PIWIL3: variants seen among roughly 807,000 people sequenced by gnomAD.
The protein encoded by PIWIL3 is piwi like RNA-mediated gene silencing 3, also known as piwi-like protein 3.
PIWIL3 carries 101 observed loss-of-function variants against 109.7 expected under a neutral mutation model. The ratio of observed to expected loss-of-function variants is 0.92; its 90% CI spans 0.78 to 1.09. The LOEUF (loss-of-function observed/expected upper bound fraction) is 1.09, where lower values mean the gene tolerates loss of function less well. PIWIL3 is among the 50% of genes least tolerant of loss of function. The pLI is 0.00. For missense variants in PIWIL3, 1,031 were observed against 1,072.6 expected (o/e 0.96, Z 0.54); for synonymous variants, 373 against 376.4 (o/e 0.99, Z 0.10).
intron 8 of PIWIL3, among the ~76,000 whole-genome samples, chr22:24,753,774 T>C (rs1924846009): frequency 6.6e-6 from 1 of 152,204 alleles, no homozygotes; most frequent in Admixed American, 6.5e-5. Context: ...CTTAGTGTTA[T>C]GTGCAAGGTA....
chr22:24,722,307 C>T (rs1922721344), intron 19 of PIWIL3, among the ~76,000 whole-genome samples: 1 of 152,154 alleles, frequency 6.6e-6, no homozygotes, highest in South Asian at 2.1e-4. Flanking sequence ...TGGTCTCTAT[C>T]TCTGGACCTC....
chr22:24,727,687 C>T (rs1015621061), intron 16 of PIWIL3, among the ~76,000 whole-genome samples: 15 of 152,134 alleles, frequency 9.9e-5, no homozygotes, highest in African/African-American at 3.1e-4. Flanking sequence ...TCAGAAGAAC[C>T]GTGCAGATAA....
At position 24,735,749 on chromosome 22, in the gene PIWIL3, ACT is replaced by A; in HGVS notation, c.1591_1592del (p.Ser531CysfsTer16). On this transcript the variant is annotated frameshift_variant, in exon 13 of 21. Coordinates refer to ENST00000616349, the MANE Select transcript of PIWIL3 (RefSeq NM_001255975.1). LOFTEE classifies it high-confidence loss of function. ...EAMSLKGHLQ[S>X]VTAPMGITMK... ...TAGTTATGCCCATGGGGGCTGTGAC[ACT>A]CTGTAGATGACCCTTTAAGGACATG... is the stretch of plus-strand genomic sequence containing the variant. 6.2e-7 allele frequency: 1 copy of A among 1,612,406 alleles called. No homozygotes were observed. The highest frequency in any genetic ancestry group is 8.5e-7 in the Non-Finnish European group (1 of 1,179,504).
At chr22:24,756,869 C>T (rs117384445) in intron 4 of PIWIL3, among the ~76,000 whole-genome samples, 164 bp from the exon 5 acceptor site, 7,304 of 152,092 alleles carry the variant, frequency 0.048, 265 homozygotes, top group South Asian at 0.12. Context: ...CACCTGACAT[C>T]AGGAGTTCCA....
chr22:24,768,864 C>T (rs1925954183), intron 1 of PIWIL3, among the ~76,000 whole-genome samples: 1 of 152,180 alleles, frequency 6.6e-6, no homozygotes, highest in Non-Finnish European at 1.5e-5. Flanking sequence ...TTTATGTGAA[C>T]AAATATGGTT....
rs1341285420 is a variant in PIWIL3 at position 24,719,733 on chromosome 22, AC to A, written c.2505+14del. 7 of 1,604,216 alleles carry A rather than the reference AC, an allele frequency of 4.4e-6. No homozygotes were observed. The highest frequency in any genetic ancestry group is 6.0e-6 in the Non-Finnish European group (7 of 1,171,580). On this transcript the variant is annotated intron_variant, in intron 20 of 20. Coordinates refer to ENST00000616349, the MANE Select transcript of PIWIL3 (RefSeq NM_001255975.1). The stretch of plus-strand genomic sequence containing the variant: ...TTTAAAAAATCTGAAGAAAAAAGTA[AC>A]AAAAAGTACTTACTGGCAAATTATA...
chr22:24,757,904 A>T lies in PIWIL3; in HGVS notation c.355+4T>A. 2 of 1,598,224 alleles carry T rather than the reference A, an allele frequency of 1.3e-6. No individual in the cohort carries two copies. The highest frequency in any genetic ancestry group is 1.7e-6 in the Non-Finnish European group (2 of 1,175,948). ...CATAAACATTGAGTTCTAGACCAAC[A>T]TACCTGTTTTTGAGTCTTTAACATG... On this transcript the variant is annotated splice_donor_region_variant and intron_variant, in intron 4 of 20. Coordinates refer to ENST00000616349, the MANE Select transcript of PIWIL3 (RefSeq NM_001255975.1).
intron 3 of PIWIL3, among the ~76,000 whole-genome samples, chr22:24,758,924 C>T (rs534074423): frequency 1.5e-3 from 156 of 102,060 alleles, no homozygotes; most frequent in African/African-American, 4.7e-3. Context: ...CAGACGGAGT[C>T]TAACTGTCAC....
rs192425240 is a variant in PIWIL3, at chr22:24,757,897, G to A, written c.355+11C>T. The stretch of plus-strand genomic sequence containing the variant: ...ACAGCTCCATAAACATTGAGTTCTA[G>A]ACCAACATACCTGTTTTTGAGTCTT... On this transcript the variant is annotated intron_variant, in intron 4 of 20. Coordinates refer to ENST00000616349, the MANE Select transcript of PIWIL3 (RefSeq NM_001255975.1). 3.5e-4 allele frequency: 562 copies of A among 1,584,506 alleles called. 14 individuals carry two copies. In the Admixed American group the frequency reaches 0.01, roughly 29 times the overall value.
At chr22:24,763,592 G>T (rs1323344438) in intron 1 of PIWIL3, among the ~76,000 whole-genome samples, 1 of 152,112 alleles carries the variant, frequency 6.6e-6, no homozygotes, top group African/African-American at 2.4e-5. Context: ...GAACCACCGT[G>T]CTCGGCCAAA....
intron 12 of PIWIL3, among the ~76,000 whole-genome samples, chr22:24,738,397 C>T (rs527663004): frequency 5.9e-5 from 9 of 152,324 alleles, no homozygotes; most frequent in East Asian, 3.9e-4. Context: ...GGGCCTTGAG[C>T]CAACATAGCT....
At chr22:24,735,382 C>G (rs1923600178) in intron 13 of PIWIL3, among the ~76,000 whole-genome samples, 1 of 152,152 alleles carries the variant, frequency 6.6e-6, no homozygotes, top group South Asian at 2.1e-4. Context: ...TGAGAAGTCT[C>G]TAATCTCCTC....
In PIWIL3 at chr22:24,759,876, C is replaced by G. The variant is rs1490921499; in HGVS notation, c.216G>C (p.Gln72His). 2 of 1,614,100 alleles carry G rather than the reference C, an allele frequency of 1.2e-6. No homozygotes were observed. The highest frequency in any genetic ancestry group is 3.3e-5 in the Admixed American group (2 of 60,018). The change falls in exon 3 of 21, where the codon CAG (glutamine) becomes CAC (histidine). Residue 72 changes from glutamine (Q) to histidine (H), a missense_variant. Transcript: ENST00000616349. ...CTTCTTGCTTCCTTTCACCTTGAGA[C>G]TGTGCTCCTCCTCCTGCTCCTCCTC... ...AARGGAGGGAQSQGVKEPGPE... is the reference protein window; with the variant it reads ...AARGGAGGGAHSQGVKEPGPE...
At chr22:24,728,861 A>C (rs755909653) in intron 14 of PIWIL3, among the ~76,000 whole-genome samples, 3 of 152,218 alleles carry the variant, frequency 2.0e-5, no homozygotes, top group Admixed American at 2.0e-4. Context: ...TGATCAGGAC[A>C]GTCACCATTT....
chr22:24,759,780 C>T, intron 3 of PIWIL3, 89 bp downstream of exon 3: 2 of 1,577,050 alleles, frequency 1.3e-6, no homozygotes, highest in Non-Finnish European at 1.7e-6. Context: ...CACGGGAGTC[C>T]TGAGGCTATC....
At chr22:24,760,831 C>T (rs972159563) in intron 2 of PIWIL3, among the ~76,000 whole-genome samples, 31 of 140,186 alleles carry the variant, frequency 2.2e-4, no homozygotes, top group African/African-American at 6.5e-4. Context: ...GGCAGAGGAA[C>T]GACATGAACT....
rs71189275 is a variant in PIWIL3, at chr22:24,757,079, C to CAAAAAAAAAAAAAAAAAA, written c.356-392_356-375dup. ...GGACAACAAGAGCTAAACTCCGTCT[C>CAAAAAAAAAAAAAAAAAA]AAAAAAAAAAAAAAAAAAAAAAAGA... On this transcript the variant is annotated intron_variant, in intron 4 of 20. Transcript: ENST00000616349. 1.4e-3 allele frequency among the ~76,000 whole-genome samples: 125 copies of CAAAAAAAAAAAAAAAAAA among 91,706 alleles called. 2 individuals are homozygous for CAAAAAAAAAAAAAAAAAA. Among genetic ancestry groups the CAAAAAAAAAAAAAAAAAA allele is most frequent in the Non-Finnish European group, 1.8e-3 (86 of 48,658 alleles). 60.2% of individuals were successfully genotyped at this position (91,706 alleles called of 152,430 possible).
intron 1 of PIWIL3, among the ~76,000 whole-genome samples, chr22:24,770,257 T>C (rs1926057669): frequency 6.6e-6 from 1 of 152,244 alleles, no homozygotes; most frequent in Non-Finnish European, 1.5e-5. Flanking sequence ...ATAGTAAAAG[T>C]GTCAGTATGA....
intron 1 of PIWIL3, among the ~76,000 whole-genome samples, chr22:24,767,438 C>G (rs753374829): frequency 2.6e-5 from 4 of 151,474 alleles, no homozygotes; most frequent in African/African-American, 7.3e-5. Context: ...GTAATCCCAG[C>G]TACTTGGGAG....
Sources: allele counts gnomAD v4.1 joint callset (sites outside exome capture counted in the v4.1 genomes callset), GRCh38; gene constraint gnomAD v4.1.1; transcripts MANE v1.5; gene names NCBI Gene and HGNC (gene_info 2026-07-23, HGNC 2026-07-21).